Variants in IL22RA2 observed in about 807,000 individuals in gnomAD.
The protein encoded by IL22RA2 is interleukin 22 receptor subunit alpha 2.
IL22RA2 carries 39 observed loss-of-function variants against 30.7 expected under a neutral mutation model. The ratio of observed to expected loss-of-function variants is 1.27; its 90% confidence interval spans 0.98 to 1.66. The LOEUF is 1.66. Ranked by LOEUF, IL22RA2 falls within the 40% of genes most tolerant of loss-of-function variation. The probability of loss-of-function intolerance (pLI) is 0.00; values close to 1 mark genes in which losing one functional copy is unlikely to be tolerated. For missense variants in IL22RA2, 315 were observed against 312.7 expected, an observed-to-expected ratio of 1.01 and a Z score of -0.05; for synonymous variants, 103 against 105.0, an observed-to-expected ratio of 0.98 and a Z score of 0.11.
chr6:137,162,233 C>T (rs1266804449), intron 1 of IL22RA2, among the ~76,000 whole-genome samples: 1 of 152,224 alleles, frequency 6.6e-6, no homozygotes, highest in East Asian at 1.9e-4. Flanking sequence ...ATCGGGGCCC[C>T]TGGCAGTGGT....
intron 2 of IL22RA2, 128 bp from the exon 3 acceptor site, chr6:137,158,610 G>A (rs1437349568): frequency 2.2e-5 from 19 of 863,786 alleles, no homozygotes; most frequent in Middle Eastern, 4.6e-4. Context: ...GATAGTAGAG[G>A]TGGAGCCCAG....
At chr6:137,146,506 C>G (rs895096384) in intron 6 of IL22RA2, among the ~76,000 whole-genome samples, 5 of 152,186 alleles carry the variant, frequency 3.3e-5, no homozygotes, top group Non-Finnish European at 7.3e-5. Context: ...TGCCGGCACT[C>G]TACGTCCTGC....
rs373116989 is a variant in IL22RA2, at chr6:137,168,244, C to T, written c.-66+5169G>A. On this transcript the variant is annotated intron_variant, in intron 1 of 6. Coordinates refer to ENST00000296980, the MANE Select transcript of IL22RA2 (RefSeq NM_052962.3). ...TCATACAGGAACTTGTTGTTTATAA[C>T]CAGACTAATTACTCAGTCTGTGATC... Among the ~76,000 whole-genome samples, 6 of 152,228 alleles carry T rather than the reference C, an allele frequency of 3.9e-5. No individual in the cohort carries two copies. In the East Asian group the frequency reaches 1.2e-3, roughly 29 times the overall value.
chr6:137,165,619 C>T (rs1402384276), intron 1 of IL22RA2, among the ~76,000 whole-genome samples: 3 of 152,106 alleles, frequency 2.0e-5, no homozygotes, highest in East Asian at 3.9e-4. Flanking sequence ...AGAGGGCCAA[C>T]TTAGGCTTAA....
At chr6:137,166,263 C>T (rs1373813662) in intron 1 of IL22RA2, among the ~76,000 whole-genome samples, 1 of 152,220 alleles carries the variant, frequency 6.6e-6, no homozygotes, top group Non-Finnish European at 1.5e-5. Context: ...TAATAGCTGT[C>T]ACTAGGGTGT....
chr6:137,147,561 C>G (rs922287021), intron 6 of IL22RA2, among the ~76,000 whole-genome samples, 161 bp downstream of exon 6: 2 of 151,944 alleles, frequency 1.3e-5, no homozygotes, highest in African/African-American at 4.8e-5. Flanking sequence ...GTGATGCCAC[C>G]ACCAACCGTT....
chr6:137,149,796 T>C (rs1227394266), intron 5 of IL22RA2, among the ~76,000 whole-genome samples: 1 of 152,220 alleles, frequency 6.6e-6, no homozygotes, highest in African/African-American at 2.4e-5. Context: ...CATTATGGAC[T>C]CCTTCCTGCA....
chr6:137,147,776 T>C lies in IL22RA2; in HGVS notation c.588A>G (p.Glu196=). The change falls in exon 6 of 7, where the codon GAA becomes GAG. Residue 196 remains glutamate, a synonymous_variant. Coordinates refer to ENST00000296980, the MANE Select transcript of IL22RA2 (RefSeq NM_052962.3). The part of the protein sequence containing the change: ...RYQKEKNVSI[E]DYYELLYRVF... ...CTCGGTATAGTAGTTCATAGTAATC[T>C]TCTATAGATACATTTTTTTCCTTTT... 6.2e-7 allele frequency: 1 copy of C among 1,605,474 alleles called. No homozygotes were observed. The highest frequency in any genetic ancestry group is 8.5e-7 in the Non-Finnish European group (1 of 1,172,748).
chr6:137,147,106 T>C (rs902467585), intron 6 of IL22RA2, among the ~76,000 whole-genome samples: 22 of 149,778 alleles, frequency 1.5e-4, no homozygotes, highest in Non-Finnish European at 2.8e-4. Flanking sequence ...TCCCAGCACT[T>C]TGGGAGGCCA....
intron 3 of IL22RA2, 48 bp from the exon 4 acceptor site, chr6:137,156,902 CA>C (rs762745218): frequency 6.3e-7 from 1 of 1,582,224 alleles, no homozygotes; most frequent in Non-Finnish European, 8.7e-7. Context: ...AGGCCAAACT[CA>C]AGGGGCATCC....
intron 1 of IL22RA2, among the ~76,000 whole-genome samples, chr6:137,167,246 G>A (rs1463642991): frequency 2.6e-5 from 4 of 152,076 alleles, no homozygotes; most frequent in Non-Finnish European, 2.9e-5. Context: ...AGAATAAACC[G>A]GACACTCAAA....
intron 5 of IL22RA2, 31 bp from the exon 6 acceptor site, chr6:137,147,922 C>A: frequency 6.4e-7 from 1 of 1,567,180 alleles, no homozygotes; most frequent in Non-Finnish European, 8.8e-7. Flanking sequence ...TTTGACAAAT[C>A]ATCAAAGGAA....
chr6:137,156,502 C>G (rs565313708), intron 4 of IL22RA2, among the ~76,000 whole-genome samples: 65 of 152,234 alleles, frequency 4.3e-4, no homozygotes, highest in African/African-American at 1.5e-3. Flanking sequence ...TAATGACAGA[C>G]TTCTCTTTTA....
intron 2 of IL22RA2, among the ~76,000 whole-genome samples, chr6:137,160,663 T>C (rs1778503354): frequency 6.6e-6 from 1 of 152,234 alleles, no homozygotes; most frequent in Non-Finnish European, 1.5e-5. Context: ...AGGCACTATG[T>C]TCAAAGCTTT....
At position 137,161,737 on chromosome 6, in the gene IL22RA2, G is replaced by T; in HGVS notation, c.13C>A (p.His5Asn). Residue 5 changes from histidine (H) to asparagine (N), a missense_variant, in exon 2 of 7, where the codon CAT (histidine) becomes AAT (asparagine). His to Asn is a moderately conservative substitution (Grantham distance 68). Transcript: ENST00000296980. Reference protein sequence around the residue: MMPKHCFLGFLISFF... With the variant: MMPKNCFLGFLISFF... ...CTGATGAGGAAGCCTAGAAAGCAAT[G>T]TTTAGGCATCATGGTTGCAAGTGTG... 1 of 1,613,596 alleles carries T rather than the reference G, an allele frequency of 6.2e-7. No individual in the cohort carries two copies. Among genetic ancestry groups the T allele is most frequent in the Non-Finnish European group, 8.5e-7 (1 of 1,179,664 alleles).
chr6:137,166,270 G>T (rs1439951203), intron 1 of IL22RA2, among the ~76,000 whole-genome samples: 7 of 152,328 alleles, frequency 4.6e-5, no homozygotes, highest in African/African-American at 7.2e-5. Context: ...TGTCACTAGG[G>T]TGTTGCTTTT....
At chr6:137,147,364 T>C (rs1346402119) in intron 6 of IL22RA2, among the ~76,000 whole-genome samples, 1 of 143,634 alleles carries the variant, frequency 7.0e-6, no homozygotes, top group African/African-American at 2.7e-5. Flanking sequence ...GGTCTAAAAA[T>C]AAAATACATA....
rs1391738416 is a variant in IL22RA2, at chr6:137,166,309, C to G, written c.-65-4495G>C. ...CAAAGAAAGTCGGTAAACATCTATACTGACTCAAGGTATGCCTTTGCCACT... is the reference window on the plus strand; with the variant it reads ...CAAAGAAAGTCGGTAAACATCTATAGTGACTCAAGGTATGCCTTTGCCACT... On this transcript the variant is annotated intron_variant, in intron 1 of 6. Transcript: ENST00000296980. Among the ~76,000 whole-genome samples the G allele has an allele frequency of 3.3e-5, 5 of 152,306 alleles. No homozygotes were observed. The East Asian group carries it at 7.7e-4, about 23-fold the overall frequency.
At chr6:137,158,197 A>G (rs1242466791) in intron 3 of IL22RA2, 150 bp downstream of exon 3, 1 of 852,138 alleles carries the variant, frequency 1.2e-6, no homozygotes, top group East Asian at 2.5e-5. Context: ...GGCAGCCTTC[A>G]GGGGAGACAA....
Sources: allele counts gnomAD v4.1 joint callset (sites outside exome capture counted in the v4.1 genomes callset), GRCh38; gene constraint gnomAD v4.1.1; transcripts MANE v1.5; gene names NCBI Gene and HGNC (gene_info 2026-07-23, HGNC 2026-07-21).